ITGB4: variants seen among roughly 807,000 people sequenced by gnomAD.
The protein encoded by ITGB4 is integrin beta-4.
A neutral mutation model predicts 207.6 loss-of-function variants in ITGB4; 159 were observed. The ratio of observed to expected loss-of-function variants is 0.77; its 90% CI spans 0.67 to 0.87. The LOEUF is 0.87. Among genes scored for constraint, ITGB4 ranks in the 40% least tolerant of loss-of-function variants. ITGB4 has a pLI of 0.00. For synonymous variants in ITGB4, 1,020 were observed against 1,062.7 expected (o/e 0.96, Z 0.78); for missense variants, 2,278 against 2,546.8 (o/e 0.89, Z 2.27).
At position 75,733,529 on chromosome 17, in the gene ITGB4, T is replaced by C. The variant is rs1167783137; in HGVS notation, c.1494T>C (p.Ser498=). The change falls in exon 13 of 40, where the codon AGT becomes AGC. Residue 498 remains serine, a synonymous_variant. Coordinates refer to ENST00000200181, the MANE Select transcript of ITGB4 (RefSeq NM_000213.5). ...GCAACTGCTCCACCGGCTCTCTGAG[T>C]GACATTCAGCCCTGCCTGCGGGAGG... The part of the protein sequence containing the change: ...QTCNCSTGSL[S]DIQPCLREGE... 1 of 1,613,590 alleles carries C rather than the reference T, an allele frequency of 6.2e-7. No individual in the cohort carries two copies. The highest frequency in any genetic ancestry group is 8.5e-7 in the Non-Finnish European group (1 of 1,180,020).
At chr17:75,734,422 G>T (rs2060932828) in intron 13 of ITGB4, among the ~76,000 whole-genome samples, 1 of 151,864 alleles carries the variant, frequency 6.6e-6, no homozygotes, top group African/African-American at 2.4e-5. Context: ...ATCACACCTG[G>T]GATTACAGGT....
rs144968507 is a variant in ITGB4 at position 75,729,348 on chromosome 17, G to C, written c.650G>C (p.Arg217Pro). The C allele has an allele frequency of 6.2e-7, 1 of 1,614,124 alleles. No homozygotes were observed. Among genetic ancestry groups the C allele is most frequent in the East Asian group, 2.2e-5 (1 of 44,888 alleles). The change falls in exon 7 of 40, where the codon CGG becomes CCG. Residue 217 changes from arginine to proline, a missense_variant. Coordinates refer to ENST00000200181, the MANE Select transcript of ITGB4 (RefSeq NM_000213.5). This position sits in a 1 kb window ranked among gnomAD's most constrained non-coding sequence, Gnocchi z 4.4. Reference protein sequence around the residue: ...ISLTEDVDEFRNKLQGERISG... With the variant: ...ISLTEDVDEFPNKLQGERISG... ...CTGACAGAAGATGTGGATGAGTTCCGGAATAAACTGCAGGGAGAGCGGATC... is the reference window on the plus strand; with the variant it reads ...CTGACAGAAGATGTGGATGAGTTCCCGAATAAACTGCAGGGAGAGCGGATC...
chr17:75,747,597 G>C (rs2061260654), intron 26 of ITGB4, among the ~76,000 whole-genome samples: 1 of 152,142 alleles, frequency 6.6e-6, no homozygotes, highest in Admixed American at 6.6e-5. Flanking sequence ...CAAGGATTTG[G>C]CATTGACTTT....
At chr17:75,749,075 A>C in intron 27 of ITGB4, 30 bp downstream of exon 27, 1 of 1,575,994 alleles carries the variant, frequency 6.3e-7, no homozygotes, top group Non-Finnish European at 8.6e-7. Flanking sequence ...CGGCTTAAGC[A>C]GGAGGAGAGG....
At chr17:75,754,517 C>G (rs2061440862) in intron 33 of ITGB4, 59 bp from the exon 34 acceptor site, 29 of 1,609,484 alleles carry the variant, frequency 1.8e-5, no homozygotes, top group Non-Finnish European at 2.4e-5. Flanking sequence ...GCCCAGCCTG[C>G]CCCACGGGGC....
At chr17:75,746,566 G>A (rs2061237554) in intron 26 of ITGB4, among the ~76,000 whole-genome samples, 1 of 151,386 alleles carries the variant, frequency 6.6e-6, no homozygotes, top group South Asian at 2.1e-4. Context: ...GTTTCGCCAT[G>A]TTGCCCAGGC....
intron 14 of ITGB4, 38 bp downstream of exon 14, chr17:75,736,192 C>G: frequency 6.2e-7 from 1 of 1,605,234 alleles, no homozygotes; most frequent in Non-Finnish European, 8.5e-7. Context: ...TCTGTCAGCA[C>G]CACCCACCCT....
In ITGB4 at chr17:75,727,410, A is replaced by G; in HGVS notation, c.169A>G (p.Arg57Gly). The G allele has an allele frequency of 6.2e-7, 1 of 1,614,040 alleles. No individual in the cohort carries two copies. The highest frequency in any genetic ancestry group is 8.5e-7 in the Non-Finnish European group (1 of 1,180,022). ...CCCCTGTCCTTCTGGCCAGATGTTCAGGGACCGGCGCTGCAACACCCAGGC... is the reference window on the plus strand; with the variant it reads ...CCCCTGTCCTTCTGGCCAGATGTTCGGGGACCGGCGCTGCAACACCCAGGC... ...DCAYCTDEMF[R>G]DRRCNTQAEL... The change falls in exon 4 of 40, where the codon AGG becomes GGG. Residue 57 changes from arginine to glycine, a missense_variant. Arg to Gly is a moderately radical substitution (Grantham distance 125). Coordinates refer to ENST00000200181, the MANE Select transcript of ITGB4 (RefSeq NM_000213.5). The surrounding 1 kb of genome is among the most constrained non-coding windows in gnomAD (Gnocchi z 6.0).
Position 75,740,715 on chromosome 17 carries a change from G to T in ITGB4, c.2551-78G>T. On this transcript the variant is annotated intron_variant, in intron 21 of 39. Coordinates refer to ENST00000200181, the MANE Select transcript of ITGB4 (RefSeq NM_000213.5). The surrounding 1 kb of genome is among the most constrained non-coding windows in gnomAD (Gnocchi z 5.9). Reference sequence around the variant, plus strand: ...GGATCTCTGGGTACAGAGGCTGCCTGGCTCCCTGGGTCCCCAGCCTGAGGG... The same window carrying T: ...GGATCTCTGGGTACAGAGGCTGCCTTGCTCCCTGGGTCCCCAGCCTGAGGG... 1 of 1,504,454 alleles carries T rather than the reference G, an allele frequency of 6.6e-7. No individual in the cohort carries two copies. Among genetic ancestry groups the T allele is most frequent in the South Asian group, 1.1e-5 (1 of 88,716 alleles). 93.2% of individuals were successfully genotyped at this position (1,504,454 alleles called of 1,614,324 possible). A position where few individuals can be genotyped will look rare whatever the true frequency, so the allele number is the denominator to read the frequency against.
At position 75,736,284 on chromosome 17, in the gene ITGB4, C is replaced by A; in HGVS notation, c.1762-4C>A. The A allele has an allele frequency of 6.2e-7, 1 of 1,613,764 alleles. No homozygotes were observed. The highest frequency in any genetic ancestry group is 1.1e-5 in the South Asian group (1 of 91,062). On this transcript the variant is annotated splice_polypyrimidine_tract_variant and splice_region_variant and intron_variant, in intron 14 of 39. Transcript: ENST00000200181. ...TGGCTCACTGGTGCCCCCTCCTACC[C>A]CAGGGCATCTGTAATGGACGTGGCC...
At chr17:75,754,921 TAC>T (rs370162059) in intron 34 of ITGB4, 106 bp downstream of exon 34, 1 of 1,563,404 alleles carries the variant, frequency 6.4e-7, no homozygotes, top group Non-Finnish European at 8.8e-7. Flanking sequence ...TTCTCCAACA[TAC>T]ACACACGCAT....
chr17:75,752,110 CAG>C, intron 30 of ITGB4, 62 bp from the exon 31 acceptor site: 1 of 1,544,544 alleles, frequency 6.5e-7, no homozygotes, highest in Admixed American at 1.7e-5. Context: ...CCTGCTGTGT[CAG>C]GGGTGGTGTT....
At chr17:75,752,033 T>G in intron 30 of ITGB4, 141 bp from the exon 31 acceptor site, 1 of 911,112 alleles carries the variant, frequency 1.1e-6, no homozygotes, top group Non-Finnish European at 1.8e-6. Flanking sequence ...CAGGCGGCAA[T>G]TCAGCAGTGG....
chr17:75,749,404 T>C (rs951697373), intron 27 of ITGB4, among the ~76,000 whole-genome samples: 6 of 152,104 alleles, frequency 3.9e-5, no homozygotes, highest in African/African-American at 1.4e-4. Flanking sequence ...GGTGTGCACC[T>C]GCAGTCCCAG....
At position 75,751,041 on chromosome 17, in the gene ITGB4, T is replaced by G. The variant is rs1365573517; in HGVS notation, c.3723T>G (p.Ala1241=). The G allele has an allele frequency of 6.2e-7, 1 of 1,613,822 alleles. No individual in the cohort carries two copies. Among genetic ancestry groups the G allele is most frequent in the Non-Finnish European group, 8.5e-7 (1 of 1,180,026 alleles). ...VSSTVTQLSW[A]EPAETNGEIT... is the part of the protein sequence containing the mutation. Reference sequence around the variant, plus strand: ...CCACGGTGACCCAGCTGAGCTGGGCTGAGCCGGCTGAGACCAACGGTGAGA... The same window carrying G: ...CCACGGTGACCCAGCTGAGCTGGGCGGAGCCGGCTGAGACCAACGGTGAGA... The change falls in exon 30 of 40, where the codon GCT becomes GCG. Residue 1241 remains alanine (A), a synonymous_variant. Coordinates refer to ENST00000200181, the MANE Select transcript of ITGB4 (RefSeq NM_000213.5).
At chr17:75,753,355 C>T (rs961388027) in intron 32 of ITGB4, among the ~76,000 whole-genome samples, 34 of 152,116 alleles carry the variant, frequency 2.2e-4, no homozygotes, top group African/African-American at 7.7e-4. Context: ...GCGAAGCGCT[C>T]GGTGGCTTGC....
chr17:75,737,535 C>T lies in ITGB4; in HGVS notation c.2114-3C>T. 6.4e-7 allele frequency: 1 copy of T among 1,570,034 alleles called. No homozygotes were observed. The highest frequency in any genetic ancestry group is 8.6e-7 in the Non-Finnish European group (1 of 1,158,172). On this transcript the variant is annotated splice_region_variant and splice_polypyrimidine_tract_variant and intron_variant, in intron 17 of 39. Coordinates refer to ENST00000200181, the MANE Select transcript of ITGB4 (RefSeq NM_000213.5). ...CCACCTCCCCCTGCCTCCTCCTCTC[C>T]AGACTGCCCTCCGGGCTCCTTCTGG...
chr17:75,743,844 A>T lies in ITGB4; in HGVS notation c.3094A>T (p.Thr1032Ser), dbSNP rs1184107813. The T allele has an allele frequency of 6.3e-7, 1 of 1,597,548 alleles. No individual in the cohort carries two copies. The highest frequency in any genetic ancestry group is 1.1e-5 in the South Asian group (1 of 89,192). ...SQVSYRTQDG[T>S]AQGNRDYIPV... is the part of the protein sequence containing the mutation. ...GGTCTCCTACCGCACACAGGATGGC[A>T]CCGCGCAGGGCAACCGGGTGAGGCT... The change falls in exon 26 of 40, where the codon ACC becomes TCC. Residue 1032 changes from threonine to serine, a missense_variant. Transcript: ENST00000200181.
Position 75,729,407 on chromosome 17 carries a change from G to A in ITGB4, c.709G>A (p.Asp237Asn), listed in dbSNP as rs2060803054. ...GNLDAPEGGF[D>N]AILQTAVCTR... ...CCTGGATGCTCCTGAGGGCGGCTTC[G>A]ATGCCATCCTGCAGACAGCTGTGTG... Residue 237 changes from aspartate (D) to asparagine (N), a missense_variant, in exon 7 of 40, where the codon GAT (aspartate) becomes AAT (asparagine). Physicochemically the swap from Asp to Asn is conservative, Grantham distance 23 (BLOSUM62 1). Transcript: ENST00000200181. This position sits in a 1 kb window ranked among gnomAD's most constrained non-coding sequence, Gnocchi z 4.4. The A allele has an allele frequency of 5.6e-6, 9 of 1,614,022 alleles. No individual in the cohort carries two copies. The highest frequency in any genetic ancestry group is 5.9e-6 in the Non-Finnish European group (7 of 1,179,998).
Sources: allele counts gnomAD v4.1 joint callset (sites outside exome capture counted in the v4.1 genomes callset), GRCh38; gene constraint gnomAD v4.1.1; non-coding constraint Gnocchi (gnomAD v3.1); transcripts MANE v1.5; gene names NCBI Gene and HGNC (gene_info 2026-07-23, HGNC 2026-07-21).